REEP1: variants seen among roughly 807,000 people sequenced by gnomAD.
The protein encoded by REEP1 is receptor accessory protein 1.
A neutral mutation model predicts 40.3 loss-of-function variants in REEP1; 22 were observed. That is an observed-to-expected ratio of 0.55 (90% CI 0.39 to 0.78). The LOEUF is 0.78. REEP1 is among the 30% of genes least tolerant of loss of function. The pLI is 0.00. For missense variants in REEP1, 280 were observed against 361.1 expected (o/e 0.78, Z 1.82); for synonymous variants, 116 against 139.2 (o/e 0.83, Z 1.17).
At chr2:86,335,625 C>A (rs530792866) in intron 1 of REEP1, among the ~76,000 whole-genome samples, 3 of 152,190 alleles carry the variant, frequency 2.0e-5, no homozygotes, top group South Asian at 2.1e-4. Flanking sequence ...CCGAAGCGGG[C>A]GGATCACTAG....
intron 8 of REEP1, among the ~76,000 whole-genome samples, chr2:86,218,223 T>C (rs189481446): frequency 2.0e-3 from 305 of 152,290 alleles, no homozygotes; most frequent in Non-Finnish European, 3.1e-3. Context: ...TCACCTCCTT[T>C]GTTCTCTCAT....
chr2:86,299,003 G>A (rs1364884417), intron 1 of REEP1, among the ~76,000 whole-genome samples: 1 of 152,166 alleles, frequency 6.6e-6, no homozygotes, highest in Non-Finnish European at 1.5e-5. Flanking sequence ...GCAAAGCTGG[G>A]ATGTTAAGAA....
chr2:86,331,786 C>G (rs1438094821), intron 1 of REEP1, among the ~76,000 whole-genome samples: 3 of 152,120 alleles, frequency 2.0e-5, no homozygotes, highest in African/African-American at 7.2e-5. Context: ...CTTTTCTGAT[C>G]AGGAATGAGC....
At chr2:86,279,193 C>T (rs1460065313) in intron 2 of REEP1, among the ~76,000 whole-genome samples, 17 of 152,186 alleles carry the variant, frequency 1.1e-4, no homozygotes, top group Non-Finnish European at 2.9e-5. Flanking sequence ...CAAGCAAGTT[C>T]CCAGGTGATG....
chr2:86,220,893 A>G (rs570396567), intron 7 of REEP1, among the ~76,000 whole-genome samples: 2 of 152,294 alleles, frequency 1.3e-5, no homozygotes, highest in East Asian at 1.9e-4. Flanking sequence ...TAAATGTTAA[A>G]TGCTAATACA....
At chr2:86,251,893 G>C in intron 5 of REEP1, 64 bp downstream of exon 5, 2 of 1,099,070 alleles carry the variant, frequency 1.8e-6, no homozygotes, top group Non-Finnish European at 2.8e-6. Context: ...GGTCGCACAG[G>C]TGATGAGCAG....
intron 1 of REEP1, among the ~76,000 whole-genome samples, chr2:86,285,388 T>TGTA (rs1678333659): frequency 6.6e-6 from 1 of 152,378 alleles, no homozygotes; most frequent in East Asian, 1.9e-4. Context: ...ACAGGCCTTA[T>TGTA]GTAGTAGCAG....
chr2:86,322,786 G>A (rs1311049865), intron 1 of REEP1, among the ~76,000 whole-genome samples: 21 of 151,932 alleles, frequency 1.4e-4, no homozygotes, highest in Admixed American at 1.4e-3. Context: ...TGGGCGTGGT[G>A]GTGCACACCT....
chr2:86,237,714 G>A (rs911868367), intron 5 of REEP1, among the ~76,000 whole-genome samples: 2 of 151,902 alleles, frequency 1.3e-5, no homozygotes, highest in African/African-American at 4.8e-5. Flanking sequence ...GTAGAGACGG[G>A]GTTTCACCTT....
At chr2:86,315,209 C>T (rs1447626280) in intron 1 of REEP1, among the ~76,000 whole-genome samples, 1 of 152,186 alleles carries the variant, frequency 6.6e-6, no homozygotes, top group African/African-American at 2.4e-5. Flanking sequence ...GAGCCCCTCC[C>T]TGCTCCAAGG....
intron 8 of REEP1, among the ~76,000 whole-genome samples, chr2:86,217,385 CTT>C (rs1380934254): frequency 6.6e-6 from 1 of 152,160 alleles, no homozygotes; most frequent in African/African-American, 2.4e-5. Context: ...AATGACACAT[CTT>C]TCTTGTTTCT....
chr2:86,304,015 G>A (rs754373986), intron 1 of REEP1, among the ~76,000 whole-genome samples: 16 of 152,150 alleles, frequency 1.1e-4, no homozygotes, highest in Non-Finnish European at 1.6e-4. Context: ...CACAGGGTGC[G>A]ACACTTGGTA....
At chr2:86,271,082 C>T (rs369332234) in intron 2 of REEP1, among the ~76,000 whole-genome samples, 1 of 151,860 alleles carries the variant, frequency 6.6e-6, no homozygotes, top group Non-Finnish European at 1.5e-5. Flanking sequence ...GTCCCAGTTA[C>T]TTGGGAGGCT....
At chr2:86,218,820 A>G (rs572600289) in intron 8 of REEP1, among the ~76,000 whole-genome samples, 1 of 152,346 alleles carries the variant, frequency 6.6e-6, no homozygotes, top group East Asian at 1.9e-4. Context: ...GGAGGTGGTC[A>G]TAATTACAGT....
intron 1 of REEP1, among the ~76,000 whole-genome samples, chr2:86,328,338 T>A (rs2104534356): frequency 6.6e-6 from 1 of 152,320 alleles, no homozygotes; most frequent in African/African-American, 2.4e-5. Flanking sequence ...GCCCTAGTTG[T>A]GACAAGACTA....
Position 86,232,651 on chromosome 2 carries a change from C to T in REEP1, c.569G>A (p.Ser190Asn), listed in dbSNP as rs1425896792. ...TGAGCTGCTAGCGCTCTCAGAAGCA[C>T]TCCTGGACATCTTAGGCTGGCCGTG... Reference protein sequence around the residue: ...GKHGQPKMSRSASESASSSVC... With the variant: ...GKHGQPKMSRNASESASSSVC... The change falls in exon 6 of 9, where the codon AGT (serine) becomes AAT (asparagine). Residue 190 changes from serine to asparagine, a missense_variant. Transcript: ENST00000538924. The T allele has an allele frequency of 5.0e-6, 8 of 1,612,932 alleles. No homozygotes were observed. Among genetic ancestry groups the T allele is most frequent in the African/African-American group, 1.3e-5 (1 of 74,946 alleles).
chr2:86,257,920 C>T (rs1676658574), intron 3 of REEP1, among the ~76,000 whole-genome samples: 1 of 152,212 alleles, frequency 6.6e-6, no homozygotes, highest in Admixed American at 6.5e-5. Context: ...CCGCGCCCGG[C>T]CTATCTCACT....
chr2:86,280,310 A>C (rs543011694), intron 2 of REEP1, among the ~76,000 whole-genome samples: 2 of 152,360 alleles, frequency 1.3e-5, no homozygotes, highest in South Asian at 4.1e-4. Flanking sequence ...CAGCCAACAC[A>C]AACAGCTGCT....
At chr2:86,276,321 C>T (rs1677754504) in intron 2 of REEP1, among the ~76,000 whole-genome samples, 1 of 152,136 alleles carries the variant, frequency 6.6e-6, no homozygotes, top group South Asian at 2.1e-4. Flanking sequence ...GGCATAGGGT[C>T]TTTTCTGGAA....
Sources: gnomAD v4.1 joint callset for allele counts (sites outside exome capture counted in the v4.1 genomes callset) on GRCh38, gnomAD v4.1.1 for gene constraint, MANE v1.5 for transcripts, NCBI Gene and HGNC (gene_info 2026-07-23, HGNC 2026-07-21) for gene names.